GIN1: variants seen among roughly 807,000 people sequenced by gnomAD.
GIN1 encodes gypsy retrotransposon integrase 1.
In GIN1, 41 loss-of-function variants were observed where a neutral mutation model predicts 51.4. That is an observed-to-expected ratio of 0.80 (90% confidence interval 0.62 to 1.04). The LOEUF (loss-of-function observed/expected upper bound fraction) is 1.04, where lower values mean the gene tolerates loss of function less well. Among genes scored for constraint, GIN1 ranks in the 50% least tolerant of loss-of-function variants. The pLI is 0.00. For missense variants in GIN1, 610 were observed against 612.4 expected (o/e 1.00, Z 0.04); for synonymous variants, 222 against 206.5 (o/e 1.07, Z -0.64).
At chr5:103,097,852 G>T in intron 4 of GIN1, 71 bp from the exon 5 acceptor site, 1 of 666,276 alleles carries the variant, frequency 1.5e-6, no homozygotes, top group Non-Finnish European at 2.6e-6. Context: ...TTAAAAAAAA[G>T]CTTCAAAAGA....
At chr5:103,111,994 A>G (rs1787899236) in intron 1 of GIN1, among the ~76,000 whole-genome samples, 1 of 152,210 alleles carries the variant, frequency 6.6e-6, no homozygotes, top group African/African-American at 2.4e-5. Flanking sequence ...CTGCTTTGAA[A>G]TCTTTAACTT....
At chr5:103,088,193 C>T (rs781970583) in intron 7 of GIN1, 21 bp from the exon 8 acceptor site, 45 of 1,388,666 alleles carry the variant, frequency 3.2e-5, no homozygotes, top group Non-Finnish European at 4.3e-5. Flanking sequence ...AAAAATCATA[C>T]ATTTGACTTT....
chr5:103,104,332 G>A (rs1264294147), intron 4 of GIN1, among the ~76,000 whole-genome samples: 1 of 152,114 alleles, frequency 6.6e-6, no homozygotes, highest in African/African-American at 2.4e-5. Flanking sequence ...CTGAAGATAG[G>A]TTTACAATAA....
At chr5:103,090,732 A>T (rs1372032514) in intron 7 of GIN1, among the ~76,000 whole-genome samples, 1 of 152,204 alleles carries the variant, frequency 6.6e-6, no homozygotes, top group Non-Finnish European at 1.5e-5. Flanking sequence ...AGGGAAAAAT[A>T]TGCCTAGATG....
intron 1 of GIN1, among the ~76,000 whole-genome samples, chr5:103,119,836 C>A (rs547059433): frequency 6.6e-6 from 1 of 152,200 alleles, no homozygotes; most frequent in Non-Finnish European, 1.5e-5. Flanking sequence ...ACCCAGTAGG[C>A]ACCTCCCCAG....
chr5:103,106,869 AT>A lies in GIN1; in HGVS notation c.179del (p.Asn60IlefsTer4). On this transcript the variant is annotated frameshift_variant, in exon 3 of 8. Coordinates refer to ENST00000399004, the MANE Select transcript of GIN1 (RefSeq NM_017676.2). LOFTEE classifies it high-confidence loss of function. ...CCTCTTCTGAAACAATTACCAAACGATTTTGTTTTCTGTCTTTTCCAACATA... is the reference window on the plus strand; with the variant it reads ...CCTCTTCTGAAACAATTACCAAACGATTTGTTTTCTGTCTTTTCCAACATA... ...LFYVGKDRKQ[N>X]RLVIVSEEEK... 2 of 1,588,126 alleles carry A rather than the reference AT, an allele frequency of 1.3e-6. No homozygotes were observed.
chr5:103,097,269 T>TTTA (rs1554195180), intron 6 of GIN1, 45 bp downstream of exon 6: 1 of 1,183,690 alleles, frequency 8.4e-7, no homozygotes, highest in African/African-American at 1.6e-5. Context: ...TAAATATAAC[T>TTTA]TTTATAAAGT....
chr5:103,107,579 G>A (rs1787762208), intron 2 of GIN1, among the ~76,000 whole-genome samples: 1 of 152,062 alleles, frequency 6.6e-6, no homozygotes, highest in African/African-American at 2.4e-5. Flanking sequence ...ACTAATATGA[G>A]TAAGCCAACT....
In GIN1 at chr5:103,097,432, T is replaced by G; in HGVS notation, c.890A>C (p.Glu297Ala). ...CACTTCATGAAGACTATCTGAAGTC[T>G]CAGGCATATAAGGATTTCGACTAAA... Reference protein sequence around the residue: ...QMFSRNPYMPETSDSLHEVDG... With the variant: ...QMFSRNPYMPATSDSLHEVDG... The change falls in exon 6 of 8, where the codon GAG (glutamate) becomes GCG (alanine). Residue 297 changes from glutamate to alanine, a missense_variant. Transcript: ENST00000399004. 6.3e-7 allele frequency: 1 copy of G among 1,577,778 alleles called. No homozygotes were observed. The highest frequency in any genetic ancestry group is 8.7e-7 in the Non-Finnish European group (1 of 1,147,566).
intron 1 of GIN1, among the ~76,000 whole-genome samples, 193 bp downstream of exon 1, chr5:103,119,871 T>A (rs1490723372): frequency 6.6e-6 from 1 of 152,196 alleles, no homozygotes; most frequent in East Asian, 1.9e-4. Flanking sequence ...TCGCCCTTTC[T>A]GCTCAGCTAG....
At chr5:103,119,593 T>C (rs775198168) in intron 1 of GIN1, among the ~76,000 whole-genome samples, 19 of 152,204 alleles carry the variant, frequency 1.2e-4, no homozygotes, top group Non-Finnish European at 1.3e-4. Context: ...GGATTCCCTC[T>C]TGACCTCACG....
At chr5:103,090,900 A>AAC (rs3836842) in intron 7 of GIN1, among the ~76,000 whole-genome samples, 4,532 of 148,298 alleles carry the variant, frequency 0.031, 174 homozygotes, top group African/African-American at 0.093. Context: ...GTCACACACG[A>AAC]ACACACACAC....
intron 4 of GIN1, among the ~76,000 whole-genome samples, chr5:103,098,705 C>T (rs1332958261): frequency 6.6e-6 from 1 of 152,038 alleles, no homozygotes. Flanking sequence ...GCAATCCATG[C>T]ACCTCAGTCT....
At chr5:103,117,257 C>T (rs1486120534) in intron 1 of GIN1, among the ~76,000 whole-genome samples, 1 of 151,992 alleles carries the variant, frequency 6.6e-6, no homozygotes, top group African/African-American at 2.4e-5. Context: ...ATCTCAAAAT[C>T]ATTATGCTAA....
intron 7 of GIN1, among the ~76,000 whole-genome samples, chr5:103,093,155 C>G (rs978370475): frequency 6.6e-6 from 1 of 152,048 alleles, no homozygotes; most frequent in Non-Finnish European, 1.5e-5. Context: ...CAACATACTA[C>G]TCCTTGGATC....
intron 7 of GIN1, among the ~76,000 whole-genome samples, chr5:103,094,824 A>G (rs1363491768): frequency 1.3e-5 from 2 of 152,198 alleles, no homozygotes; most frequent in Non-Finnish European, 2.9e-5. Flanking sequence ...CTCAGAACTG[A>G]GAAGAGGTAC....
rs782697665 is a variant in GIN1 at position 103,096,560 on chromosome 5, T to C, written c.1275A>G (p.Ile425Met). 2.5e-6 allele frequency: 4 copies of C among 1,612,090 alleles called. No individual in the cohort carries two copies. Among genetic ancestry groups the C allele is most frequent in the Non-Finnish European group, 3.4e-6 (4 of 1,178,682 alleles). ...PIKMSHLKPY[I>M]RESSEQESLY... ...ATTTACCTTGTTCACTGGATTCTCT[T>C]ATGTAGGGCTTAAGGTGGGACATTT... The change falls in exon 7 of 8, where the codon ATA (isoleucine) becomes ATG (methionine). Residue 425 changes from isoleucine to methionine, a missense_variant. Transcript: ENST00000399004.
Position 103,104,953 on chromosome 5 carries a change from T to A in GIN1, c.334-107A>T. On this transcript the variant is annotated intron_variant, in intron 3 of 7. Transcript: ENST00000399004. The stretch of plus-strand genomic sequence containing the variant: ...TTTAAAATGGTTAATAGGTATACTT[T>A]GTGTTTTGAAGGAGAAACTTCTGGA... 2 of 687,262 alleles carry A rather than the reference T, an allele frequency of 2.9e-6. 1 individual carries two copies. The highest frequency in any genetic ancestry group is 5.5e-5 in the East Asian group (2 of 36,598). The allele number at this position is 687,262 out of a possible 1,614,324, so 42.6% of individuals were successfully genotyped here. A position where few individuals can be genotyped will look rare whatever the true frequency, so the allele number is the denominator to read the frequency against.
At chr5:103,093,774 AT>A (rs1787320614) in intron 7 of GIN1, among the ~76,000 whole-genome samples, 1 of 152,230 alleles carries the variant, frequency 6.6e-6, no homozygotes, top group Non-Finnish European at 1.5e-5. Flanking sequence ...GAGCATTATG[AT>A]TACAAAAAGA....
Sources: gnomAD v4.1 joint callset for allele counts (sites outside exome capture counted in the v4.1 genomes callset) on GRCh38, gnomAD v4.1.1 for gene constraint, MANE v1.5 for transcripts, NCBI Gene and HGNC (gene_info 2026-07-23, HGNC 2026-07-21) for gene names.